MLF1: variants seen among roughly 807,000 people sequenced by gnomAD.
MLF1 encodes the protein myeloid leukemia factor 1.
A neutral mutation model predicts 38.3 loss-of-function variants in MLF1; 37 were observed. That is an observed-to-expected ratio of 0.96 (90% CI 0.74 to 1.27). MLF1 has a LOEUF of 1.27. Ranked by LOEUF, MLF1 falls within the 50% of genes most tolerant of loss-of-function variation. The pLI is 0.00. For synonymous variants in MLF1, 95 were observed against 106.5 expected (o/e 0.89, Z 0.66); for missense variants, 331 against 349.2 (o/e 0.95, Z 0.42).
rs1720465533 is a variant in MLF1, at chr3:158,606,149, A to G, written c.*947A>G. On this transcript the variant is annotated 3_prime_UTR_variant, in exon 8 of 8. Transcript: ENST00000466246. ...CAGTTGTTTCTGTTTTAATTATACC[A>G]TTAAAAATCAGCTTTAGCTTTTTAA... is the stretch of plus-strand genomic sequence containing the variant. 5.6e-6 allele frequency: 1 copy of G among 178,810 alleles called. No individual in the cohort carries two copies. The highest frequency in any genetic ancestry group is 2.0e-4 in the South Asian group (1 of 5,064). The allele number at this position is 178,810 out of a possible 1,614,324, so 11.1% of individuals were successfully genotyped here.
intron 7 of MLF1, 55 bp downstream of exon 7, chr3:158,602,994 T>C: frequency 6.7e-7 from 1 of 1,496,888 alleles, no homozygotes; most frequent in African/African-American, 1.4e-5. Context: ...GAAGTAAAGT[T>C]ATGTAATTTA....
chr3:158,571,268 TCCGCGGCTG>T lies in MLF1; in HGVS notation c.-28_-20del. The T allele has an allele frequency of 6.4e-7, 1 of 1,565,470 alleles. No individual in the cohort carries two copies. The highest frequency in any genetic ancestry group is 8.8e-7 in the Non-Finnish European group (1 of 1,137,664). Reference sequence around the variant, plus strand: ...GAGTTAACATCGTTTTTCCAATCTGTCCGCGGCTGCCGCCACCCAAGACAGAGCCAGAAT... The same window carrying T: ...GAGTTAACATCGTTTTTCCAATCTGTCCGCCACCCAAGACAGAGCCAGAAT... On this transcript the variant is annotated 5_prime_UTR_variant, in exon 1 of 8. Transcript: ENST00000466246.
chr3:158,572,041 G>A (rs533082392), intron 1 of MLF1, among the ~76,000 whole-genome samples: 46 of 80,836 alleles, frequency 5.7e-4, no homozygotes, highest in Non-Finnish European at 8.9e-4. Flanking sequence ...GGACGAAGGA[G>A]GATTTGGGGG....
At chr3:158,603,400 A>G (rs1406969654) in intron 7 of MLF1, among the ~76,000 whole-genome samples, 1 of 152,252 alleles carries the variant, frequency 6.6e-6, no homozygotes, top group East Asian at 1.9e-4. Flanking sequence ...AGACACTTGT[A>G]TAATATGTAA....
chr3:158,601,573 A>T (rs2108652703), intron 6 of MLF1, among the ~76,000 whole-genome samples: 1 of 150,518 alleles, frequency 6.6e-6, no homozygotes, highest in South Asian at 2.1e-4. Context: ...CTGTCTCAAA[A>T]AAATAAATAA....
intron 1 of MLF1, among the ~76,000 whole-genome samples, chr3:158,578,483 C>T (rs1023609672): frequency 3.3e-5 from 5 of 149,392 alleles, no homozygotes; most frequent in Non-Finnish European, 7.4e-5. Context: ...CATGTATGTA[C>T]GTATGTACAT....
intron 7 of MLF1, among the ~76,000 whole-genome samples, chr3:158,604,470 T>C (rs1340827721): frequency 6.6e-6 from 1 of 152,216 alleles, no homozygotes; most frequent in Non-Finnish European, 1.5e-5. Context: ...TTTGAAGCAT[T>C]GCTGGTACAA....
At chr3:158,583,819 A>G (rs1176166194) in intron 1 of MLF1, among the ~76,000 whole-genome samples, 1 of 152,212 alleles carries the variant, frequency 6.6e-6, no homozygotes, top group Non-Finnish European at 1.5e-5. Flanking sequence ...AAGAACCAAC[A>G]CTTAAGGAAT....
In MLF1 at chr3:158,571,328, G is replaced by A. The variant is rs771692265; in HGVS notation, c.28G>A (p.Glu10Lys). The A allele has an allele frequency of 2.5e-6, 4 of 1,613,094 alleles. No homozygotes were observed. The African/African-American group carries it at 5.3e-5, about 22-fold the overall frequency. The part of the protein sequence containing the change: MFRMLNSSF[E>K]DDPFFSESIL... ...GTTCAGGATGCTGAACAGCAGTTTTGAGGATGACCCCTTCTTCTCGTGAGT... is the reference window on the plus strand; with the variant it reads ...GTTCAGGATGCTGAACAGCAGTTTTAAGGATGACCCCTTCTTCTCGTGAGT... The change falls in exon 1 of 8, where the codon GAG (glutamate) becomes AAG (lysine). Residue 10 changes from glutamate (E) to lysine (K), a missense_variant. Physicochemically the swap from Glu to Lys is moderately conservative, Grantham distance 56. Transcript: ENST00000466246.
intron 1 of MLF1, chr3:158,582,923 A>C: frequency 1.5e-6 from 1 of 683,330 alleles, no homozygotes. Flanking sequence ...TCAGAGAATA[A>C]GTTAAGGTAA....
chr3:158,579,242 A>G (rs1715964338), intron 1 of MLF1, among the ~76,000 whole-genome samples: 1 of 152,184 alleles, frequency 6.6e-6, no homozygotes, highest in Non-Finnish European at 1.5e-5. Flanking sequence ...AAAAAAGCCT[A>G]GGTTAATTTT....
intron 1 of MLF1, among the ~76,000 whole-genome samples, chr3:158,581,230 A>G (rs1445334847): frequency 6.6e-6 from 1 of 151,920 alleles, no homozygotes; most frequent in Non-Finnish European, 1.5e-5. Context: ...AGAGTTAAGA[A>G]CTCCATGGTC....
Position 158,571,355 on chromosome 3 carries a change from A to G in MLF1, c.47+8A>G, listed in dbSNP as rs201286111. ...GGATGACCCCTTCTTCTCGTGAGTT[A>G]CGGGAGCCAGGAGTCCGGGGTCGCG... On this transcript the variant is annotated splice_region_variant and intron_variant, in intron 1 of 7. Transcript: ENST00000466246. 7.4e-6 allele frequency: 12 copies of G among 1,613,072 alleles called. No individual in the cohort carries two copies. The East Asian group carries it at 2.5e-4, about 33-fold the overall frequency.
intron 5 of MLF1, among the ~76,000 whole-genome samples, 163 bp from the exon 6 acceptor site, chr3:158,599,851 T>C (rs73024714): frequency 2.0e-5 from 3 of 152,276 alleles, no homozygotes; most frequent in South Asian, 2.1e-4. Context: ...TCAGGAAATA[T>C]CAGAGACTTA....
At chr3:158,581,500 C>T (rs181742134) in intron 1 of MLF1, among the ~76,000 whole-genome samples, 2 of 152,314 alleles carry the variant, frequency 1.3e-5, no homozygotes, top group Admixed American at 1.3e-4. Context: ...GACTAAGGCA[C>T]ACTGGTGAAG....
At chr3:158,589,951 CT>C (rs1717883579) in intron 1 of MLF1, among the ~76,000 whole-genome samples, 1 of 152,172 alleles carries the variant, frequency 6.6e-6, no homozygotes, top group Non-Finnish European at 1.5e-5. Context: ...CATAAGGACC[CT>C]TGTGATTACA....
intron 1 of MLF1, among the ~76,000 whole-genome samples, chr3:158,586,720 T>G (rs1424510571): frequency 1.3e-5 from 2 of 152,122 alleles, no homozygotes; most frequent in Admixed American, 1.3e-4. Context: ...ATACCTGAAG[T>G]TTTGAACCTG....
chr3:158,602,746 A>T (rs1719980792), intron 6 of MLF1, 61 bp from the exon 7 acceptor site: 1 of 1,531,566 alleles, frequency 6.5e-7, no homozygotes, highest in African/African-American at 1.4e-5. Context: ...TGTGGGAGCA[A>T]GGCAGTTACT....
At chr3:158,601,384 A>G (rs1472855993) in intron 6 of MLF1, among the ~76,000 whole-genome samples, 1 of 152,038 alleles carries the variant, frequency 6.6e-6, no homozygotes, top group African/African-American at 2.4e-5. Context: ...CCTGACCAAC[A>G]TGGTGAAACC....
Sources: allele counts gnomAD v4.1 joint callset (sites outside exome capture counted in the v4.1 genomes callset), GRCh38; gene constraint gnomAD v4.1.1; transcripts MANE v1.5; gene names NCBI Gene and HGNC (gene_info 2026-07-23, HGNC 2026-07-21).